CNBD2: variants seen among roughly 807,000 people sequenced by gnomAD.
The protein encoded by CNBD2 is cyclic nucleotide-binding domain-containing protein 2.
CNBD2 carries 64 observed loss-of-function variants against 63.7 expected under a neutral mutation model. The observed-to-expected ratio is 1.00, with a 90% CI of 0.82 to 1.24. CNBD2 has a LOEUF of 1.24. Among genes scored for constraint, CNBD2 ranks in the 50% most tolerant of loss-of-function variants. The pLI, the probability that CNBD2 is intolerant of heterozygous loss-of-function variation, is 0.00. For synonymous variants in CNBD2, 229 were observed against 255.4 expected, an observed-to-expected ratio of 0.90 and a Z score of 0.99; for missense variants, 691 against 713.5, an observed-to-expected ratio of 0.97 and a Z score of 0.36.
chr20:36,013,903 C>T (rs2147340808), intron 10 of CNBD2, among the ~76,000 whole-genome samples: 1 of 152,048 alleles, frequency 6.6e-6, no homozygotes, highest in East Asian at 1.9e-4. Context: ...ATAGGTAGGC[C>T]AGGTGTGGTG....
rs576844116 is a variant in CNBD2 at position 35,976,515 on chromosome 20, A to T, written c.243+513A>T. Among the ~76,000 whole-genome samples, 7 of 152,298 alleles carry T rather than the reference A, an allele frequency of 4.6e-5. No homozygotes were observed. The South Asian group carries it at 1.0e-3, about 23-fold the overall frequency. On this transcript the variant is annotated intron_variant, in intron 3 of 11. Coordinates refer to ENST00000373973, the MANE Select transcript of CNBD2 (RefSeq NM_001365709.1). Reference sequence around the variant, plus strand: ...TGAGGTGGGAGGATCACTTGAGGCCAGGAGTTCAAGACTGCAGTGAGCTAT... The same window carrying T: ...TGAGGTGGGAGGATCACTTGAGGCCTGGAGTTCAAGACTGCAGTGAGCTAT...
rs2056578911 is a variant in CNBD2, at chr20:35,980,356, A to G, written c.244-103A>G. 8 of 1,059,832 alleles carry G rather than the reference A, an allele frequency of 7.5e-6. No individual in the cohort carries two copies. The Admixed American group carries it at 1.3e-4, about 18-fold the overall frequency. The allele number at this position is 1,059,832 out of a possible 1,614,324, so 65.7% of individuals were successfully genotyped here. ...CACTCATCACGTCAGCCACTGTGGT[A>G]CAGGGAACGGGAGAGTGTACAAGCA... On this transcript the variant is annotated intron_variant, in intron 3 of 11. Coordinates refer to ENST00000373973, the MANE Select transcript of CNBD2 (RefSeq NM_001365709.1).
intron 7 of CNBD2, among the ~76,000 whole-genome samples, chr20:35,993,867 CTTTTTTTTTTT>C (rs58873487): frequency 6.9e-5 from 6 of 86,454 alleles, no homozygotes; most frequent in East Asian, 3.2e-4. Context: ...TTCAGCTAAT[CTTTTTTTTTTT>C]TTTTTTTTTT....
In CNBD2 at chr20:36,001,483, C is replaced by T. The variant is rs1434316886; in HGVS notation, c.970+6331C>T. On this transcript the variant is annotated intron_variant, in intron 8 of 11. Transcript: ENST00000373973. Reference sequence around the variant, plus strand: ...TCACCTCCCAGACGGGGCGGCTGGCCGGGCGGGGGGCTGACCCCCCCACCT... The same window carrying T: ...TCACCTCCCAGACGGGGCGGCTGGCTGGGCGGGGGGCTGACCCCCCCACCT... Among the ~76,000 whole-genome samples, 660 of 141,672 alleles carry T rather than the reference C, an allele frequency of 4.7e-3. 3 individuals carry two copies. The highest frequency in any genetic ancestry group is 0.016 in the African/African-American group (616 of 37,694). The allele number at this position is 141,672 out of a possible 152,430, so 92.9% of individuals were successfully genotyped here. A position where few individuals can be genotyped will look rare whatever the true frequency, so the allele number is the denominator to read the frequency against.
At chr20:36,019,220 A>G (rs2147356321) in intron 10 of CNBD2, among the ~76,000 whole-genome samples, 1 of 152,206 alleles carries the variant, frequency 6.6e-6, no homozygotes, top group Non-Finnish European at 1.5e-5. Context: ...CTGAGACCTG[A>G]ATGATGAAAA....
intron 10 of CNBD2, among the ~76,000 whole-genome samples, chr20:36,016,510 C>T (rs2057134855): frequency 6.6e-6 from 1 of 152,114 alleles, no homozygotes; most frequent in Non-Finnish European, 1.5e-5. Context: ...GACCACCAGG[C>T]CGGGCACAGT....
At chr20:36,002,055 G>A (rs552345769) in intron 8 of CNBD2, among the ~76,000 whole-genome samples, 58 of 152,350 alleles carry the variant, frequency 3.8e-4, no homozygotes, top group African/African-American at 1.4e-3. Context: ...CGGCTGGGTG[G>A]TGGAGGTTGT....
At chr20:35,991,690 G>T (rs950618338) in intron 7 of CNBD2, among the ~76,000 whole-genome samples, 4 of 152,060 alleles carry the variant, frequency 2.6e-5, no homozygotes, top group African/African-American at 9.7e-5. Context: ...GCGGGGGGTG[G>T]TTCTTCATCT....
downstream of CNBD2, chr20:35,958,831 A>G (rs1307560692): frequency 6.6e-6 from 1 of 152,234 alleles, no homozygotes; most frequent in Non-Finnish European, 1.5e-5. Flanking sequence ...CTCCATGTCT[A>G]TAACTGTGTT....
intron 10 of CNBD2, among the ~76,000 whole-genome samples, chr20:36,011,628 A>C (rs1346409108): frequency 1.3e-5 from 2 of 152,170 alleles, no homozygotes; most frequent in African/African-American, 4.8e-5. Context: ...TCAACATTGT[A>C]TTGAAAGTCC....
intron 8 of CNBD2, among the ~76,000 whole-genome samples, chr20:35,995,373 C>A (rs575858655): frequency 6.6e-6 from 1 of 152,180 alleles, no homozygotes; most frequent in South Asian, 2.1e-4. Context: ...GGTTCTCCCA[C>A]GTGACCATCA....
At position 35,980,364 on chromosome 20, in the gene CNBD2, C is replaced by T. The variant is rs191736251; in HGVS notation, c.244-95C>T. ...ACGTCAGCCACTGTGGTACAGGGAA[C>T]GGGAGAGTGTACAAGCAGGACTGTG... On this transcript the variant is annotated intron_variant, in intron 3 of 11. Coordinates refer to ENST00000373973, the MANE Select transcript of CNBD2 (RefSeq NM_001365709.1). 8.5e-4 allele frequency: 984 copies of T among 1,152,882 alleles called. 6 individuals carry two copies. The African/African-American group carries it at 0.013, about 15-fold the overall frequency. The allele number at this position is 1,152,882 out of a possible 1,614,324, so 71.4% of individuals were successfully genotyped here. A position where few individuals can be genotyped will look rare whatever the true frequency, so the allele number is the denominator to read the frequency against.
At chr20:36,023,905 C>T (rs913214818) in intron 11 of CNBD2, 134 bp downstream of exon 11, 5 of 679,226 alleles carry the variant, frequency 7.4e-6, no homozygotes, top group Non-Finnish European at 1.2e-5. Context: ...TGTTGGTACA[C>T]TCTAGATAGG....
At chr20:36,022,189 T>TTTTTTC (rs1264593657) in intron 10 of CNBD2, among the ~76,000 whole-genome samples, 1,252 of 121,438 alleles carry the variant, frequency 0.01, 25 homozygotes, top group African/African-American at 0.021. Context: ...TAATTCTTTT[T>TTTTTTC]TTTTTCTTTT....
At chr20:35,969,077 C>T (rs950207958) in intron 1 of CNBD2, among the ~76,000 whole-genome samples, 4 of 152,100 alleles carry the variant, frequency 2.6e-5, no homozygotes, top group African/African-American at 7.2e-5. Flanking sequence ...CCAGAGAGAA[C>T]GAGGGAGGAT....
chr20:36,030,474 C>T lies in CNBD2; in HGVS notation c.1557C>T (p.Pro519=). Reference sequence around the variant, plus strand: ...GTCAACTGTTCACTCCAAACCGGCCCAAGAAGAGAGAGATCTACAACCCTA... The same window carrying T: ...GTCAACTGTTCACTCCAAACCGGCCTAAGAAGAGAGAGATCTACAACCCTA... ...CQSQLFTPNR[P]KKREIYNPKS... The change falls in exon 12 of 12, where the codon CCC becomes CCT. Residue 519 remains proline (P), a synonymous_variant. Transcript: ENST00000373973. 6.2e-7 allele frequency: 1 copy of T among 1,613,840 alleles called. No homozygotes were observed. Among genetic ancestry groups the T allele is most frequent in the South Asian group, 1.1e-5 (1 of 91,066 alleles).
intron 7 of CNBD2, among the ~76,000 whole-genome samples, chr20:35,988,188 A>G (rs1006161258): frequency 6.7e-6 from 1 of 148,986 alleles, no homozygotes; most frequent in Non-Finnish European, 1.5e-5. Flanking sequence ...TTTGAGACAG[A>G]GTCTTGCTCA....
chr20:35,996,075 G>T (rs1240827006), intron 8 of CNBD2, among the ~76,000 whole-genome samples: 1 of 152,130 alleles, frequency 6.6e-6, no homozygotes, highest in African/African-American at 2.4e-5. Context: ...GGTTTCTCAT[G>T]CTGGACCAGA....
At chr20:36,008,524 G>A in intron 9 of CNBD2, 50 bp downstream of exon 9, 2 of 1,540,366 alleles carry the variant, frequency 1.3e-6, no homozygotes. Context: ...GGTTGCAAAG[G>A]GAGATAATAC....
Sources: gnomAD v4.1 joint callset for allele counts (sites outside exome capture counted in the v4.1 genomes callset) on GRCh38, gnomAD v4.1.1 for gene constraint, MANE v1.5 for transcripts, NCBI Gene and HGNC (gene_info 2026-07-23, HGNC 2026-07-21) for gene names.